The following FRAS1 variants were observed in gnomAD, a reference collection of about 807,000 sequenced individuals.
FRAS1 encodes the protein Fraser extracellular matrix complex subunit 1, also known as extracellular matrix organizing protein FRAS1.
A neutral mutation model predicts 435.2 loss-of-function variants in FRAS1; 290 were observed. The ratio of observed to expected loss-of-function variants is 0.67; its 90% CI spans 0.61 to 0.73. FRAS1 has a LOEUF of 0.73. Ranked by LOEUF, FRAS1 falls within the 30% of genes least tolerant of loss-of-function variation. The pLI is 0.00. For synonymous variants in FRAS1, 1,800 were observed against 1,851.0 expected, an observed-to-expected ratio of 0.97 and a Z score of 0.71; for missense variants, 4,860 against 5,001.5, an observed-to-expected ratio of 0.97 and a Z score of 0.85.
At chr4:78,102,006 G>A (rs1430131580) in intron 2 of FRAS1, among the ~76,000 whole-genome samples, 1 of 152,144 alleles carries the variant, frequency 6.6e-6, no homozygotes, top group Non-Finnish European at 1.5e-5. Flanking sequence ...TTATACTGAA[G>A]AGGCCCTACC....
In FRAS1 at chr4:78,264,968, G is replaced by A. The variant is rs182069282; in HGVS notation, c.604-57G>A. On this transcript the variant is annotated intron_variant, in intron 6 of 73. Transcript: ENST00000512123. ...TGGCTGTGAATGAAATTTTCCTGCT[G>A]TTGTGGATCTTATTAATATCACTTT... 9.4e-6 allele frequency: 10 copies of A among 1,058,664 alleles called. No homozygotes were observed. In the African/African-American group the frequency reaches 1.2e-4, roughly 13 times the overall value. The allele number at this position is 1,058,664 out of a possible 1,614,324, so 65.6% of individuals were successfully genotyped here.
chr4:78,441,308 C>T lies in FRAS1; in HGVS notation c.5665+11C>T, dbSNP rs1282468015. 1.2e-6 allele frequency: 2 copies of T among 1,607,238 alleles called. No individual in the cohort carries two copies. ...AGAACACAGGAACAGGTACTACTTC[C>T]TGTAAAACTGTTAAGGACCTTGAGA... On this transcript the variant is annotated intron_variant, in intron 41 of 73. Coordinates refer to ENST00000512123, the MANE Select transcript of FRAS1 (RefSeq NM_025074.7).
intron 2 of FRAS1, among the ~76,000 whole-genome samples, chr4:78,172,244 C>T (rs540404960): frequency 3.2e-4 from 48 of 152,140 alleles, no homozygotes; most frequent in Non-Finnish European, 6.2e-4. Flanking sequence ...AGTGCACCAA[C>T]GATAGTGAAA....
intron 15 of FRAS1, among the ~76,000 whole-genome samples, chr4:78,308,892 C>G (rs534502545): frequency 6.6e-6 from 1 of 152,278 alleles, no homozygotes; most frequent in African/African-American, 2.4e-5. Context: ...ATAATGGGCT[C>G]CCAATGATGC....
At chr4:78,423,146 A>T (rs955507154) in intron 34 of FRAS1, among the ~76,000 whole-genome samples, 8 of 151,898 alleles carry the variant, frequency 5.3e-5, no homozygotes, top group African/African-American at 1.9e-4. Context: ...CAAAAATATT[A>T]GTGCCTATTT....
In FRAS1 at chr4:78,511,301, A is replaced by T. The variant is rs3749488; in HGVS notation, c.9808A>T (p.Arg3270Trp). The change falls in exon 64 of 74, where the codon AGG (arginine) becomes TGG (tryptophan). Residue 3270 changes from arginine to tryptophan, a missense_variant. Coordinates refer to ENST00000512123, the MANE Select transcript of FRAS1 (RefSeq NM_025074.7). ...CCTGGACAGCATTTACTTCAGCCGG[A>T]GGTTCCATGTGCGTTGTGTGGCCAA... ...MVLDSIYFSR[R>W]FHVRCVAKAV... 1.2e-5 allele frequency: 20 copies of T among 1,603,066 alleles called. No homozygotes were observed. The highest frequency in any genetic ancestry group is 2.2e-5 in the East Asian group (1 of 44,522).
At chr4:78,320,481 T>C (rs1005185202) in intron 18 of FRAS1, among the ~76,000 whole-genome samples, 2 of 152,138 alleles carry the variant, frequency 1.3e-5, no homozygotes, top group Non-Finnish European at 2.9e-5. Flanking sequence ...TAATTGCTTC[T>C]CCATTCTCTT....
At chr4:78,203,036 G>C (rs1433471848) in intron 2 of FRAS1, among the ~76,000 whole-genome samples, 1 of 152,204 alleles carries the variant, frequency 6.6e-6, no homozygotes, top group Non-Finnish European at 1.5e-5. Context: ...AAAATTAAAA[G>C]TGTTGCTTGG....
chr4:78,278,951 G>C (rs1228166206), intron 10 of FRAS1, among the ~76,000 whole-genome samples: 4 of 152,164 alleles, frequency 2.6e-5, no homozygotes, highest in African/African-American at 9.7e-5. Flanking sequence ...TTGTAGTATA[G>C]GGACACAGAA....
intron 43 of FRAS1, among the ~76,000 whole-genome samples, chr4:78,447,542 C>T (rs942881724): frequency 1.1e-4 from 16 of 152,032 alleles, no homozygotes; most frequent in African/African-American, 3.6e-4. Context: ...CTTTCGCTTT[C>T]TTGAATGAAG....
At chr4:78,325,977 A>G (rs1729702201) in intron 18 of FRAS1, among the ~76,000 whole-genome samples, 1 of 152,200 alleles carries the variant, frequency 6.6e-6, no homozygotes, top group Admixed American at 6.5e-5. Flanking sequence ...TATAGTATAA[A>G]GTCCAAAGAG....
intron 59 of FRAS1, among the ~76,000 whole-genome samples, chr4:78,494,559 A>T (rs1333346165): frequency 1.3e-5 from 2 of 152,180 alleles, no homozygotes; most frequent in Non-Finnish European, 2.9e-5. Context: ...AATTCATTCA[A>T]TCCTGTGAGA....
chr4:78,064,567 C>T (rs1274821599), intron 1 of FRAS1, among the ~76,000 whole-genome samples: 1 of 151,022 alleles, frequency 6.6e-6, no homozygotes, highest in Non-Finnish European at 1.5e-5. Flanking sequence ...CCTTCATATT[C>T]TGGGTGAATT....
chr4:78,089,029 G>C lies in FRAS1; in HGVS notation c.108+23013G>C, dbSNP rs570253481. ...CAATAGCAAAGACATGGAACCAACCGAAATGTCCAACAATGATAGACTGGA... is the reference window on the plus strand; with the variant it reads ...CAATAGCAAAGACATGGAACCAACCCAAATGTCCAACAATGATAGACTGGA... On this transcript the variant is annotated intron_variant, in intron 2 of 73. Transcript: ENST00000512123. 2.4e-4 allele frequency among the ~76,000 whole-genome samples: 36 copies of C among 152,094 alleles called. 1 individual carries two copies. Among genetic ancestry groups the C allele is most frequent in the Admixed American group, 1.4e-3 (22 of 15,274 alleles).
At chr4:78,419,120 C>A in intron 33 of FRAS1, 57 bp downstream of exon 33, 1 of 972,442 alleles carries the variant, frequency 1.0e-6, no homozygotes. Context: ...AGTTTTTTAC[C>A]AGTCTTAATA....
chr4:78,098,670 G>A (rs1169550786), intron 2 of FRAS1, among the ~76,000 whole-genome samples: 1 of 152,108 alleles, frequency 6.6e-6, no homozygotes, highest in African/African-American at 2.4e-5. Flanking sequence ...AATATAAATG[G>A]CTTTGATGAC....
chr4:78,453,913 G>A (rs1342223468), intron 47 of FRAS1, among the ~76,000 whole-genome samples: 1 of 152,164 alleles, frequency 6.6e-6, no homozygotes, highest in Non-Finnish European at 1.5e-5. Context: ...AGGTTATACA[G>A]TCTTCATTAA....
intron 53 of FRAS1, among the ~76,000 whole-genome samples, chr4:78,474,104 G>A (rs983222614): frequency 6.6e-6 from 1 of 152,148 alleles, no homozygotes; most frequent in Non-Finnish European, 1.5e-5. Context: ...CCTTCCATCT[G>A]TATTCTCCTT....
chr4:78,058,047 C>T lies in FRAS1; in HGVS notation c.38C>T (p.Ala13Val). 1.9e-6 allele frequency: 3 copies of T among 1,613,820 alleles called. No individual in the cohort carries two copies. Among genetic ancestry groups the T allele is most frequent in the East Asian group, 2.2e-5 (1 of 44,858 alleles). The stretch of plus-strand genomic sequence containing the variant: ...AAAGTGTGGCTCGGGCTGGCCCTAG[C>T]GTTGGCGGAATTTGCAGTATTGCCT... Reference protein sequence around the residue: ...VLKVWLGLALALAEFAVLPHH... With the variant: ...VLKVWLGLALVLAEFAVLPHH... The change falls in exon 1 of 74, where the codon GCG (alanine) becomes GTG (valine). Residue 13 changes from alanine to valine, a missense_variant. Ala to Val is a moderately conservative substitution (Grantham distance 64, BLOSUM62 0). Coordinates refer to ENST00000512123, the MANE Select transcript of FRAS1 (RefSeq NM_025074.7).
Sources: allele counts gnomAD v4.1 joint callset (sites outside exome capture counted in the v4.1 genomes callset), GRCh38; gene constraint gnomAD v4.1.1; transcripts MANE v1.5; gene names NCBI Gene and HGNC (gene_info 2026-07-23, HGNC 2026-07-21).